Variants in TMIGD3 observed in about 807,000 individuals in gnomAD.
The protein encoded by TMIGD3 is transmembrane and immunoglobulin domain containing 3, also known as AD026 protein (AD026).
A neutral mutation model predicts 28.1 loss-of-function variants in TMIGD3; 21 were observed. The observed-to-expected ratio is 0.75, with a 90% CI of 0.53 to 1.08. The LOEUF (loss-of-function observed/expected upper bound fraction) is 1.08. Ranked by LOEUF, TMIGD3 falls within the 50% of genes least tolerant of loss-of-function variation. The pLI is 0.00. For synonymous variants in TMIGD3, 151 were observed against 162.1 expected, an observed-to-expected ratio of 0.93 and a Z score of 0.52; for missense variants, 416 against 435.6, an observed-to-expected ratio of 0.96 and a Z score of 0.40.
At chr1:111,531,661 A>G (rs541993885) in intron 1 of TMIGD3, among the ~76,000 whole-genome samples, 2 of 152,196 alleles carry the variant, frequency 1.3e-5, no homozygotes, top group East Asian at 3.9e-4. Context: ...AGGCCTTGTG[A>G]ATTTTACCTT....
At chr1:111,539,410 G>A (rs987587443) in intron 1 of TMIGD3, among the ~76,000 whole-genome samples, 1 of 152,160 alleles carries the variant, frequency 6.6e-6, no homozygotes, top group Non-Finnish European at 1.5e-5. Flanking sequence ...CGATTCTCTT[G>A]CCTCAGCCTC....
chr1:111,535,515 G>A (rs1423882621), intron 1 of TMIGD3, among the ~76,000 whole-genome samples: 1 of 152,278 alleles, frequency 6.6e-6, no homozygotes, highest in African/African-American at 2.4e-5. Flanking sequence ...AAACTAACAC[G>A]GCAAAAGGAC....
chr1:111,508,363 C>G (rs1378452880), upstream of TMIGD3, among the ~76,000 whole-genome samples: 2 of 152,228 alleles, frequency 1.3e-5, no homozygotes, highest in Non-Finnish European at 2.9e-5. Context: ...TGCGTCCCAG[C>G]TGAGGCGCTA....
chr1:111,541,478 C>A (rs779762399), intron 1 of TMIGD3, among the ~76,000 whole-genome samples: 5 of 152,100 alleles, frequency 3.3e-5, no homozygotes, highest in Non-Finnish European at 7.4e-5. Flanking sequence ...TAAAAAGAAG[C>A]AATAAATTTG....
chr1:111,546,899 G>A (rs956874938), intron 1 of TMIGD3, among the ~76,000 whole-genome samples: 16 of 152,238 alleles, frequency 1.1e-4, no homozygotes, highest in African/African-American at 3.4e-4. Flanking sequence ...CAGTTCCCAA[G>A]GAATTTAATT....
At chr1:111,511,463 T>C (rs984276835) in intron 1 of TMIGD3, among the ~76,000 whole-genome samples, 3 of 152,174 alleles carry the variant, frequency 2.0e-5, no homozygotes, top group African/African-American at 7.2e-5. Context: ...TTGGAAGACC[T>C]CTTCCTCAAC....
intron 1 of TMIGD3, chr1:111,500,450 G>A (rs1250049051): frequency 1.2e-6 from 2 of 1,614,214 alleles, no homozygotes; most frequent in South Asian, 2.2e-5. Context: ...TCTGAGGTCA[G>A]TTTCATGTTC....
At chr1:111,538,364 C>T (rs550195093) in intron 1 of TMIGD3, among the ~76,000 whole-genome samples, 1 of 152,256 alleles carries the variant, frequency 6.6e-6, no homozygotes, top group African/African-American at 2.4e-5. Context: ...ACAGAAATGG[C>T]GAGGTCTTTC....
chr1:111,507,039 GTATATATATATA>G (rs59345912), upstream of TMIGD3, among the ~76,000 whole-genome samples: 12,085 of 125,960 alleles, frequency 0.096, 869 homozygotes, highest in African/African-American at 0.22. Context: ...GTGTGTGTGT[GTATATATATATA>G]TATATATATG....
intron 1 of TMIGD3, among the ~76,000 whole-genome samples, chr1:111,512,375 C>T (rs564462967): frequency 2.2e-4 from 33 of 152,376 alleles, no homozygotes; most frequent in Admixed American, 3.9e-4. Context: ...CTCACCCCAA[C>T]GTGCTCCAGA....
chr1:111,485,856 G>A lies in TMIGD3; in HGVS notation c.873-16C>T. 6.3e-6 allele frequency: 10 copies of A among 1,587,406 alleles called. No individual in the cohort carries two copies. Among genetic ancestry groups the A allele is most frequent in the Non-Finnish European group, 7.7e-6 (9 of 1,162,896 alleles). On this transcript the variant is annotated splice_polypyrimidine_tract_variant and intron_variant, in intron 4 of 5. Coordinates refer to ENST00000369716, the MANE Select transcript of TMIGD3 (RefSeq NM_020683.7). ...AATGGACGTCCTAGAAGGAACCACAGCAGATTTCATGTTGCTTGGAAGAAA... is the reference window on the plus strand; with the variant it reads ...AATGGACGTCCTAGAAGGAACCACAACAGATTTCATGTTGCTTGGAAGAAA...
intron 1 of TMIGD3, among the ~76,000 whole-genome samples, chr1:111,539,985 C>A (rs1481186165): frequency 6.6e-6 from 1 of 152,182 alleles, no homozygotes; most frequent in African/African-American, 2.4e-5. Flanking sequence ...AGGTACCTAG[C>A]TTTAGAAACT....
At chr1:111,493,991 G>T (rs183984627) in intron 1 of TMIGD3, among the ~76,000 whole-genome samples, 4,713 of 148,552 alleles carry the variant, frequency 0.032, 87 homozygotes, top group Non-Finnish European at 0.04. Context: ...TGTGCATTTG[G>T]TTAAAAGAAA....
At chr1:111,536,560 A>G (rs547031926) in intron 1 of TMIGD3, among the ~76,000 whole-genome samples, 1 of 152,348 alleles carries the variant, frequency 6.6e-6, no homozygotes, top group East Asian at 1.9e-4. Context: ...GGAGTTTACC[A>G]GGACTGAGTT....
chr1:111,495,227 G>A (rs1370690443), intron 1 of TMIGD3, among the ~76,000 whole-genome samples: 1 of 152,038 alleles, frequency 6.6e-6, no homozygotes, highest in East Asian at 1.9e-4. Context: ...ATCTGACAAA[G>A]GTCTAATATC....
At chr1:111,552,595 G>C (rs1239364036) in intron 1 of TMIGD3, among the ~76,000 whole-genome samples, 2 of 152,086 alleles carry the variant, frequency 1.3e-5, no homozygotes, top group Non-Finnish European at 2.9e-5. Flanking sequence ...ACCAAAGACA[G>C]CCAGTTATTC....
intron 1 of TMIGD3, among the ~76,000 whole-genome samples, chr1:111,522,693 C>T (rs1293542747): frequency 6.6e-6 from 1 of 151,568 alleles, no homozygotes. Flanking sequence ...TTTTTTTGTA[C>T]TTTTAGTAGA....
intron 1 of TMIGD3, among the ~76,000 whole-genome samples, chr1:111,509,501 C>T (rs1263422432): frequency 6.6e-6 from 1 of 151,954 alleles, no homozygotes; most frequent in Non-Finnish European, 1.5e-5. Context: ...ATTCTCATGC[C>T]CTTTATCTAA....
intron 2 of TMIGD3, 170 bp downstream of exon 2, chr1:111,490,486 C>A: frequency 1.7e-6 from 1 of 591,616 alleles, no homozygotes; most frequent in East Asian, 2.8e-5. Flanking sequence ...GAGCTAAGAA[C>A]AAGAACTAAT....
Sources: allele counts gnomAD v4.1 joint callset (sites outside exome capture counted in the v4.1 genomes callset), GRCh38; gene constraint gnomAD v4.1.1; transcripts MANE v1.5; gene names NCBI Gene and HGNC (gene_info 2026-07-23, HGNC 2026-07-21).